The following TECRL variants were observed in gnomAD, a reference collection of about 807,000 sequenced individuals.
The protein encoded by TECRL is trans-2,3-enoyl-CoA reductase-like.
A neutral mutation model predicts 52.8 loss-of-function variants in TECRL; 63 were observed. That is an observed-to-expected ratio of 1.19 (90% CI 0.97 to 1.47). The LOEUF (loss-of-function observed/expected upper bound fraction) is 1.47. Ranked by LOEUF, TECRL falls within the 40% of genes most tolerant of loss-of-function variation. The probability of loss-of-function intolerance (pLI) is 0.00; values close to 1 mark genes in which losing one functional copy is unlikely to be tolerated. For missense variants in TECRL, 482 were observed against 429.6 expected, an observed-to-expected ratio of 1.12 and a Z score of -1.08; for synonymous variants, 164 against 141.9, an observed-to-expected ratio of 1.16 and a Z score of -1.10.
intron 7 of TECRL, among the ~76,000 whole-genome samples, chr4:64,300,375 A>G (rs957156195): frequency 2.7e-5 from 4 of 150,942 alleles, no homozygotes; most frequent in African/African-American, 9.7e-5. Context: ...GTTTAACAAT[A>G]AAAAGGAAAA....
chr4:64,334,378 C>T (rs1436257251), intron 2 of TECRL, among the ~76,000 whole-genome samples: 1 of 152,082 alleles, frequency 6.6e-6, no homozygotes, highest in Non-Finnish European at 1.5e-5. Context: ...CTTGTAAATG[C>T]TACCTACATA....
intron 2 of TECRL, among the ~76,000 whole-genome samples, chr4:64,353,334 G>T (rs796748894): frequency 6.6e-6 from 1 of 152,096 alleles, no homozygotes; most frequent in South Asian, 2.1e-4. Flanking sequence ...AGGTACTAAA[G>T]AATGGATAAA....
chr4:64,342,854 A>G (rs946516848), intron 2 of TECRL, among the ~76,000 whole-genome samples: 1 of 152,128 alleles, frequency 6.6e-6, no homozygotes, highest in Non-Finnish European at 1.5e-5. Context: ...AGGTGGAAGC[A>G]TTTCTGCTAA....
At chr4:64,358,189 G>A (rs1458951742) in intron 2 of TECRL, among the ~76,000 whole-genome samples, 1 of 151,612 alleles carries the variant, frequency 6.6e-6, no homozygotes, top group Non-Finnish European at 1.5e-5. Context: ...GTTAAAATGA[G>A]CTTATTTATG....
At chr4:64,345,223 A>G (rs903018600) in intron 2 of TECRL, among the ~76,000 whole-genome samples, 2 of 152,202 alleles carry the variant, frequency 1.3e-5, no homozygotes, top group African/African-American at 2.4e-5. Context: ...AGGAATATAA[A>G]TCATGCTGCT....
chr4:64,285,589 A>G (rs1047304183), intron 9 of TECRL, among the ~76,000 whole-genome samples: 1 of 152,188 alleles, frequency 6.6e-6, no homozygotes, highest in African/African-American at 2.4e-5. Context: ...TTTAGAGCTG[A>G]CACAGGAACT....
chr4:64,406,898 A>G (rs1724764703), intron 1 of TECRL, among the ~76,000 whole-genome samples: 1 of 151,966 alleles, frequency 6.6e-6, no homozygotes. Context: ...ACTTAATATG[A>G]TCTTACTACA....
intron 2 of TECRL, among the ~76,000 whole-genome samples, chr4:64,372,632 A>C (rs545652738): frequency 6.6e-6 from 1 of 151,916 alleles, no homozygotes; most frequent in South Asian, 2.1e-4. Flanking sequence ...AAAGCTGATA[A>C]GTCTGAGAAA....
At chr4:64,284,992 C>A (rs1723011412) in intron 9 of TECRL, among the ~76,000 whole-genome samples, 1 of 152,004 alleles carries the variant, frequency 6.6e-6, no homozygotes, top group Non-Finnish European at 1.5e-5. Flanking sequence ...TTCATTGATT[C>A]AGGGAACCAT....
chr4:64,296,231 T>C (rs1477802891), intron 8 of TECRL, among the ~76,000 whole-genome samples: 1 of 151,848 alleles, frequency 6.6e-6, no homozygotes, highest in East Asian at 1.9e-4. Flanking sequence ...GTGGTTTATA[T>C]AGTAGGGACT....
intron 8 of TECRL, among the ~76,000 whole-genome samples, chr4:64,297,542 T>C (rs1263212556): frequency 6.6e-6 from 1 of 151,084 alleles, no homozygotes; most frequent in African/African-American, 2.4e-5. Flanking sequence ...CTGTACAATA[T>C]GGATTGTACT....
At chr4:64,380,534 G>T (rs995940041) in intron 1 of TECRL, among the ~76,000 whole-genome samples, 1 of 151,954 alleles carries the variant, frequency 6.6e-6, no homozygotes, top group Non-Finnish European at 1.5e-5. Context: ...ATGGTTTGGG[G>T]TCTTAGCATA....
At chr4:64,290,401 C>A (rs547269435) in intron 8 of TECRL, among the ~76,000 whole-genome samples, 1 of 152,238 alleles carries the variant, frequency 6.6e-6, no homozygotes, top group East Asian at 1.9e-4. Context: ...GAGGGTAAGA[C>A]CTTTCCTTTG....
chr4:64,296,163 T>A (rs574984031), intron 8 of TECRL, among the ~76,000 whole-genome samples: 1 of 151,888 alleles, frequency 6.6e-6, no homozygotes, highest in Non-Finnish European at 1.5e-5. Flanking sequence ...CACCCTTTTT[T>A]CTTTCATGCA....
chr4:64,315,008 A>G (rs1356427061), intron 4 of TECRL, among the ~76,000 whole-genome samples: 2 of 152,182 alleles, frequency 1.3e-5, no homozygotes, highest in Non-Finnish European at 2.9e-5. Context: ...TTCTTCAGAT[A>G]TAGTAAAAAG....
rs1722730662 is a variant in TECRL, at chr4:64,279,857, C to A, written c.*215G>T. The stretch of plus-strand genomic sequence containing the variant: ...AGGACCAATCCCATGCAAATACATT[C>A]AGAGCTGTTCTTAGTTAATTGCATT... On this transcript the variant is annotated 3_prime_UTR_variant, in exon 12 of 12. Transcript: ENST00000381210. 9.2e-7 allele frequency: 1 copy of A among 1,083,998 alleles called. No homozygotes were observed. Among genetic ancestry groups the A allele is most frequent in the Non-Finnish European group, 1.1e-6 (1 of 894,212 alleles). The allele number at this position is 1,083,998 out of a possible 1,614,324, so 67.1% of individuals were successfully genotyped here.
chr4:64,309,527 C>T (rs1422422150), intron 6 of TECRL, among the ~76,000 whole-genome samples: 1 of 152,114 alleles, frequency 6.6e-6, no homozygotes, highest in African/African-American at 2.4e-5. Flanking sequence ...ATATTCTGCT[C>T]TTCAAGTGGC....
intron 8 of TECRL, among the ~76,000 whole-genome samples, chr4:64,295,800 T>A (rs1194467907): frequency 6.6e-6 from 1 of 151,916 alleles, no homozygotes; most frequent in African/African-American, 2.4e-5. Flanking sequence ...TAGCTCAAAA[T>A]AGACAATTAT....
In TECRL at chr4:64,370,319, CA is replaced by C. The variant is rs201613453; in HGVS notation, c.286+4852del. On this transcript the variant is annotated intron_variant, in intron 2 of 11. Transcript: ENST00000381210. ...TTGTAGGTTTTAGAAATAGATTCTC[CA>C]AAAAAAAAGTAGATTTCACCAGGCG... 7.7e-3 allele frequency among the ~76,000 whole-genome samples: 1,147 copies of C among 148,342 alleles called. 14 individuals are homozygous for C. The highest frequency in any genetic ancestry group is 0.027 in the African/African-American group (1,076 of 40,578).
Sources: allele counts gnomAD v4.1 joint callset (sites outside exome capture counted in the v4.1 genomes callset), GRCh38; gene constraint gnomAD v4.1.1; transcripts MANE v1.5; gene names NCBI Gene and HGNC (gene_info 2026-07-23, HGNC 2026-07-21).